The following PTPRN2 variants were observed in gnomAD, a reference collection of about 807,000 sequenced individuals.
PTPRN2 encodes the protein receptor-type tyrosine-protein phosphatase N2.
A neutral mutation model predicts 118.8 loss-of-function variants in PTPRN2; 74 were observed. The observed-to-expected ratio is 0.62, with a 90% CI of 0.52 to 0.76. The LOEUF (loss-of-function observed/expected upper bound fraction) is 0.76. PTPRN2 is among the 30% of genes least tolerant of loss of function. The pLI, the probability that PTPRN2 is intolerant of heterozygous loss-of-function variation, is 0.00. For missense variants in PTPRN2, 1,481 were observed against 1,394.4 expected, an observed-to-expected ratio of 1.06 and a Z score of -0.99; for synonymous variants, 641 against 608.0, an observed-to-expected ratio of 1.05 and a Z score of -0.80.
chr7:158,051,398 A>G (rs1809316335), intron 11 of PTPRN2, among the ~76,000 whole-genome samples: 1 of 152,224 alleles, frequency 6.6e-6, no homozygotes, highest in African/African-American at 2.4e-5. Context: ...AAGACTCCCA[A>G]GGAGCTGCTG....
intron 5 of PTPRN2, among the ~76,000 whole-genome samples, chr7:158,182,038 T>C (rs148708821): frequency 3.5e-3 from 529 of 152,334 alleles, no homozygotes; most frequent in African/African-American, 0.011. Context: ...CTTTCTGATA[T>C]AGGCATTTAG....
chr7:157,657,081 TACACACACATACGCC>T (rs1304120088), intron 13 of PTPRN2, among the ~76,000 whole-genome samples: 1 of 74,146 alleles, frequency 1.3e-5, no homozygotes, highest in Admixed American at 1.7e-4. Context: ...GTCACACATA[TACACACACATACGCC>T]ACACACACAC....
At chr7:157,556,358 GCA>G (rs902954292) in intron 21 of PTPRN2, among the ~76,000 whole-genome samples, 25 of 111,068 alleles carry the variant, frequency 2.3e-4, no homozygotes, top group African/African-American at 8.4e-4. Context: ...ATGCACATGT[GCA>G]CACACACAGG....
intron 3 of PTPRN2, among the ~76,000 whole-genome samples, chr7:158,237,804 G>A (rs1217727113): frequency 6.6e-6 from 1 of 152,174 alleles, no homozygotes; most frequent in Non-Finnish European, 1.5e-5. Context: ...ACTGATGCTG[G>A]CTTCTCGTTT....
intron 2 of PTPRN2, among the ~76,000 whole-genome samples, chr7:158,372,336 A>G (rs112710480): frequency 7.7e-5 from 11 of 142,678 alleles, no homozygotes; most frequent in African/African-American, 2.9e-4. Flanking sequence ...GGTCCCCCCA[A>G]CGCTGGTCCC....
In PTPRN2 at chr7:158,316,899, G is replaced by A. The variant is rs760650794; in HGVS notation, c.197C>T (p.Ala66Val). Reference protein sequence around the residue: ...GVFGRCQKVPAMDFYRYEVSP... With the variant: ...GVFGRCQKVPVMDFYRYEVSP... ...CACCTCGTAGCGGTAAAAGTCCATT[G>A]CCGGAACCTTCTGGCACCTTCCAAA... The change falls in exon 3 of 23, where the codon GCA becomes GTA. Residue 66 changes from alanine (A) to valine (V), a missense_variant. This residue lies in a region of PTPRN2 where 1,115 missense variants were observed against 994.2 expected (regional missense o/e 1.12). Transcript: ENST00000389418. The A allele has an allele frequency of 2.5e-5, 41 of 1,612,756 alleles. No homozygotes were observed. Among genetic ancestry groups the A allele is most frequent in the Non-Finnish European group, 3.1e-5 (36 of 1,179,964 alleles).
At chr7:158,124,648 G>A (rs887516638) in intron 9 of PTPRN2, among the ~76,000 whole-genome samples, 7 of 152,336 alleles carry the variant, frequency 4.6e-5, no homozygotes, top group Middle Eastern at 3.4e-3. Flanking sequence ...GGGAGAAGAC[G>A]TGAACAGGAA....
At chr7:157,542,380 A>G (rs1354693294) in intron 22 of PTPRN2, among the ~76,000 whole-genome samples, 2 of 151,892 alleles carry the variant, frequency 1.3e-5, no homozygotes, top group Non-Finnish European at 2.9e-5. Context: ...AGTGTCATCT[A>G]TCTATTTACA....
At chr7:158,465,040 C>T (rs1392269323) in intron 2 of PTPRN2, among the ~76,000 whole-genome samples, 1 of 152,222 alleles carries the variant, frequency 6.6e-6, no homozygotes, top group African/African-American at 2.4e-5. Flanking sequence ...CTATGGTGTT[C>T]TTATCGCAGA....
intron 12 of PTPRN2, among the ~76,000 whole-genome samples, chr7:157,846,012 T>C (rs1009368276): frequency 1.3e-5 from 2 of 150,692 alleles, no homozygotes; most frequent in Non-Finnish European, 3.0e-5. Context: ...AGGAAGGGAG[T>C]GGTAAAATTT....
chr7:158,049,769 G>A (rs946223490), intron 11 of PTPRN2, among the ~76,000 whole-genome samples: 2 of 152,182 alleles, frequency 1.3e-5, no homozygotes, highest in African/African-American at 4.8e-5. Flanking sequence ...CAGGCGTGGT[G>A]GCGGGCACCT....
At chr7:157,553,060 C>T (rs911156527) in intron 21 of PTPRN2, among the ~76,000 whole-genome samples, 3 of 152,162 alleles carry the variant, frequency 2.0e-5, no homozygotes, top group Non-Finnish European at 4.4e-5. Context: ...TACGGGGACC[C>T]CTCAGCTTTC....
chr7:157,878,320 CGG>C (rs2151279860), intron 12 of PTPRN2, among the ~76,000 whole-genome samples: 2 of 150,266 alleles, frequency 1.3e-5, no homozygotes, highest in East Asian at 2.0e-4. Flanking sequence ...GAGGAGCTCT[CGG>C]ATTCCGTGGG....
intron 14 of PTPRN2, among the ~76,000 whole-genome samples, chr7:157,623,489 T>G (rs567691056): frequency 1.2e-4 from 18 of 152,360 alleles, no homozygotes; most frequent in South Asian, 4.1e-4. Flanking sequence ...TCTAAAATGA[T>G]GAACCCTAGC....
chr7:158,257,430 G>A (rs1195452666), intron 3 of PTPRN2, among the ~76,000 whole-genome samples: 3 of 152,150 alleles, frequency 2.0e-5, no homozygotes, highest in Non-Finnish European at 4.4e-5. Flanking sequence ...TGCTGTACGT[G>A]CGCTAAACGT....
chr7:157,973,707 G>A (rs561115931), intron 11 of PTPRN2, among the ~76,000 whole-genome samples: 2 of 152,306 alleles, frequency 1.3e-5, no homozygotes, highest in African/African-American at 4.8e-5. Flanking sequence ...GTAAAGCACT[G>A]TTGTAAGATT....
chr7:157,991,577 C>A lies in PTPRN2; in HGVS notation c.1723+89721G>T, dbSNP rs546851492. On this transcript the variant is annotated intron_variant, in intron 11 of 22. Transcript: ENST00000389418. Reference sequence around the variant, plus strand: ...CTGGCTGAGGGAGGGTGAGGGAGGGCGAGGGAGGGCGGACCTGTTTCCTGT... The same window carrying A: ...CTGGCTGAGGGAGGGTGAGGGAGGGAGAGGGAGGGCGGACCTGTTTCCTGT... Among the ~76,000 whole-genome samples, 90 of 152,162 alleles carry A rather than the reference C, an allele frequency of 5.9e-4. 2 individuals are homozygous for A. The South Asian group carries it at 0.018, about 30-fold the overall frequency.
intron 11 of PTPRN2, among the ~76,000 whole-genome samples, chr7:158,016,921 A>G (rs906604779): frequency 6.6e-6 from 1 of 152,220 alleles, no homozygotes; most frequent in Non-Finnish European, 1.5e-5. Context: ...CACCACCTAC[A>G]GTGCCCTGCT....
intron 12 of PTPRN2, among the ~76,000 whole-genome samples, chr7:157,850,440 T>G (rs962739023): frequency 6.6e-6 from 1 of 150,828 alleles, no homozygotes. Context: ...CGACGTGGGG[T>G]GCCTCACGCT....
Sources: allele counts gnomAD v4.1 joint callset (sites outside exome capture counted in the v4.1 genomes callset), GRCh38; gene constraint gnomAD v4.1.1; regional missense constraint gnomAD v4.1.1; transcripts MANE v1.5; gene names NCBI Gene and HGNC (gene_info 2026-07-23, HGNC 2026-07-21).